Variants in GPR108 observed in about 807,000 individuals in gnomAD.
The protein encoded by GPR108 is G protein-coupled receptor 108, also known as protein GPR108.
Under a neutral mutation model 74.3 loss-of-function variants are expected in GPR108, and 60 were observed. That is an observed-to-expected ratio of 0.81 (90% CI 0.66 to 1.00). The LOEUF (loss-of-function observed/expected upper bound fraction) is 1.00. Ranked by LOEUF, GPR108 falls within the 50% of genes least tolerant of loss-of-function variation. The probability of loss-of-function intolerance (pLI) is 0.00; values close to 1 mark genes in which losing one functional copy is unlikely to be tolerated. For missense variants in GPR108, 667 were observed against 703.3 expected (o/e 0.95, Z 0.58); for synonymous variants, 311 against 292.4 (o/e 1.06, Z -0.65).
chr19:6,732,462 T>A lies in GPR108; in HGVS notation c.1007+14A>T, dbSNP rs1458953747. The A allele has an allele frequency of 6.2e-7, 1 of 1,611,822 alleles. No homozygotes were observed. The highest frequency in any genetic ancestry group is 8.5e-7 in the Non-Finnish European group (1 of 1,178,960). On this transcript the variant is annotated intron_variant, in intron 11 of 17. Transcript: ENST00000264080. Reference sequence around the variant, plus strand: ...GCCTCCCCCCAGCTGCCCAGCAGAGTGGGGGACACTCACAGGTGTGCGATG... The same window carrying A: ...GCCTCCCCCCAGCTGCCCAGCAGAGAGGGGGACACTCACAGGTGTGCGATG...
rs566949653 is a variant in GPR108, at chr19:6,730,145, G to A, written c.*167C>T. 41 of 652,984 alleles carry A rather than the reference G, an allele frequency of 6.3e-5. No individual in the cohort carries two copies. Among genetic ancestry groups the A allele is most frequent in the Non-Finnish European group, 8.3e-5 (30 of 359,950 alleles). 40.4% of individuals were successfully genotyped at this position (652,984 alleles called of 1,614,324 possible). ...CAGGGCTGCCCAATATTTGGGGGGAGGAAGGGACTCTTCTTCCAAATGGGC... is the reference window on the plus strand; with the variant it reads ...CAGGGCTGCCCAATATTTGGGGGGAAGAAGGGACTCTTCTTCCAAATGGGC... On this transcript the variant is annotated 3_prime_UTR_variant, in exon 18 of 18. Transcript: ENST00000264080.
At chr19:6,733,328 G>T (rs781187935) in intron 8 of GPR108, 27 bp from the exon 9 acceptor site, 3 of 1,607,344 alleles carry the variant, frequency 1.9e-6, no homozygotes, top group Non-Finnish European at 2.6e-6. Context: ...GGTGGGCGGC[G>T]GCAGGGGCAC....
At chr19:6,731,387 G>T in intron 15 of GPR108, 86 bp downstream of exon 15, 2 of 1,484,498 alleles carry the variant, frequency 1.3e-6, no homozygotes, top group Non-Finnish European at 9.0e-7. Flanking sequence ...GGGGCCTCGG[G>T]ATGGGGCAGC....
At chr19:6,737,269 C>A in intron 1 of GPR108, 188 bp downstream of exon 1, 1 of 727,764 alleles carries the variant, frequency 1.4e-6, no homozygotes, top group Non-Finnish European at 2.1e-6. Flanking sequence ...GAGGCGGACC[C>A]GGCAACTCCA....
intron 1 of GPR108, chr19:6,737,070 C>G (rs1270843518): frequency 3.3e-5 from 13 of 394,368 alleles, no homozygotes; most frequent in Non-Finnish European, 4.2e-5. Flanking sequence ...CAGAACCCCC[C>G]AAATCCCATT....
At position 6,737,537 on chromosome 19, in the gene GPR108, G is replaced by A. The variant is rs373831903; in HGVS notation, c.40C>T (p.Pro14Ser). The change falls in exon 1 of 18, where the codon CCC (proline) becomes TCC (serine). Residue 14 changes from proline (P) to serine (S), a missense_variant. Coordinates refer to ENST00000264080, the MANE Select transcript of GPR108 (RefSeq NM_001080452.2). ...SERRGLGRGS[P>S]AEWGQRLLLV... ...AGTAGCCGCTGCCCCCACTCCGCGG[G>A]GCTCCCGCGGCCGAGCCCCCTCCTC... The A allele has an allele frequency of 6.4e-7, 1 of 1,552,476 alleles. No homozygotes were observed. Among genetic ancestry groups the A allele is most frequent in the Non-Finnish European group, 8.6e-7 (1 of 1,156,910 alleles).
Position 6,731,529 on chromosome 19 carries a change from G to A in GPR108, c.1301-7C>T, listed in dbSNP as rs201573809. On this transcript the variant is annotated splice_polypyrimidine_tract_variant and splice_region_variant and intron_variant, in intron 14 of 17. Transcript: ENST00000264080. ...TTGGCCAGGTTCACTGCCACTGAGG[G>A]TGGGCACAGAGAGGGCGGTCAGGGG... 6 of 1,515,412 alleles carry A rather than the reference G, an allele frequency of 4.0e-6. No individual in the cohort carries two copies. The highest frequency in any genetic ancestry group is 2.0e-4 in the Middle Eastern group (1 of 5,102). 93.9% of individuals were successfully genotyped at this position (1,515,412 alleles called of 1,614,324 possible).
At chr19:6,737,416 GT>G in intron 1 of GPR108, 40 bp downstream of exon 1, 1 of 1,572,196 alleles carries the variant, frequency 6.4e-7, no homozygotes, top group Non-Finnish European at 8.6e-7. Flanking sequence ...CCGAGACAAA[GT>G]TGCGCCACCG....
Position 6,731,137 on chromosome 19 carries a change from G to A in GPR108, c.1435-26C>T, listed in dbSNP as rs368063447. 653 of 1,611,732 alleles carry A rather than the reference G, an allele frequency of 4.1e-4. 8 individuals carry two copies. The East Asian group carries it at 0.011, about 27-fold the overall frequency. ...CTGGGGGACGGGGCGGAGTGGGGGC[G>A]TCAGGCGCACCCCCACCCCCACCGT... is the stretch of plus-strand genomic sequence containing the variant. On this transcript the variant is annotated intron_variant, in intron 16 of 17. Transcript: ENST00000264080.
chr19:6,732,545 T>C lies in GPR108; in HGVS notation c.938A>G (p.Asn313Ser), dbSNP rs778647929. 5 of 1,613,228 alleles carry C rather than the reference T, an allele frequency of 3.1e-6. No individual in the cohort carries two copies. The highest frequency in any genetic ancestry group is 3.4e-6 in the Non-Finnish European group (4 of 1,179,782). ...KSISLLFHSI[N>S]YYFINSQGHP... ...GCCCTGGCTGTTGATGAAGTAGTAG[T>C]TGATCTGGGGGTGGATGGACAGACG... The change falls in exon 11 of 18, where the codon AAC (asparagine) becomes AGC (serine). Residue 313 changes from asparagine (N) to serine (S), a missense_variant. Asn to Ser is a conservative substitution (Grantham distance 46). Coordinates refer to ENST00000264080, the MANE Select transcript of GPR108 (RefSeq NM_001080452.2).
At chr19:6,730,852 T>A in intron 17 of GPR108, 135 bp downstream of exon 17, 1 of 1,000,986 alleles carries the variant, frequency 1.0e-6, no homozygotes, top group Non-Finnish European at 1.4e-6. Flanking sequence ...CCATCCCTTC[T>A]CAACAGCAGG....
At chr19:6,731,555 A>G (rs1412020654) in intron 14 of GPR108, 33 bp from the exon 15 acceptor site, 6 of 375,762 alleles carry the variant, frequency 1.6e-5, no homozygotes, top group Non-Finnish European at 2.5e-5. Context: ...CGGTCAGGGG[A>G]GACTGAGGGT....
intron 8 of GPR108, 88 bp downstream of exon 8, chr19:6,733,482 G>A (rs1248085913): frequency 1.4e-6 from 2 of 1,437,646 alleles, no homozygotes; most frequent in African/African-American, 1.4e-5. Context: ...CGGGAGGGCT[G>A]GGAAAAGCTA....
rs780353868 is a variant in GPR108, at chr19:6,732,165, C to T, written c.1126-10G>A. 1.7e-5 allele frequency: 27 copies of T among 1,609,282 alleles called. No individual in the cohort carries two copies. The highest frequency in any genetic ancestry group is 4.4e-5 in the South Asian group (4 of 90,870). On this transcript the variant is annotated splice_polypyrimidine_tract_variant and intron_variant, in intron 12 of 17. Transcript: ENST00000264080. The stretch of plus-strand genomic sequence containing the variant: ...CCACGTTGGCCAGGACCTGCGCAGG[C>T]GGCGGGGGTGGGTGGGCACTGCCTG...
intron 4 of GPR108, chr19:6,735,407 C>T (rs1968592783): frequency 3.7e-6 from 2 of 544,352 alleles, no homozygotes; most frequent in Non-Finnish European, 6.5e-6. Context: ...CTCACAACAA[C>T]CCTCTGTATC....
chr19:6,730,930 G>T, intron 17 of GPR108, 57 bp downstream of exon 17: 3 of 1,261,478 alleles, frequency 2.4e-6, no homozygotes, highest in Non-Finnish European at 3.3e-6. Context: ...CCGTAGAGCT[G>T]CCCACCCCCT....
intron 10 of GPR108, 182 bp from the exon 11 acceptor site, chr19:6,732,731 A>C (rs887779978): frequency 1.2e-5 from 8 of 669,266 alleles, no homozygotes; most frequent in Non-Finnish European, 2.1e-5. Context: ...GGGAACAGTC[A>C]CAGCTGAAGG....
Position 6,734,283 on chromosome 19 carries a change from C to T in GPR108, c.399G>A (p.Glu133=), listed in dbSNP as rs1157603959. 6.2e-7 allele frequency: 1 copy of T among 1,613,944 alleles called. No individual in the cohort carries two copies. Among genetic ancestry groups the T allele is most frequent in the East Asian group, 2.2e-5 (1 of 44,864 alleles). Residue 133 remains glutamate (E), a synonymous_variant, in exon 5 of 18, where the codon GAG becomes GAA. Coordinates refer to ENST00000264080, the MANE Select transcript of GPR108 (RefSeq NM_001080452.2). Reference sequence around the variant, plus strand: ...CGGGAAAGATAAACAACGTCTTCTGCTCTCCATACTTCCGCACCTGGACCC... The same window carrying T: ...CGGGAAAGATAAACAACGTCTTCTGTTCTCCATACTTCCGCACCTGGACCC... ...DLQVQVRKYG[E]QKTLFIFPGL... is the part of the protein sequence containing the mutation.
chr19:6,730,216 T>A lies in GPR108; in HGVS notation c.*96A>T. On this transcript the variant is annotated 3_prime_UTR_variant, in exon 18 of 18. Coordinates refer to ENST00000264080, the MANE Select transcript of GPR108 (RefSeq NM_001080452.2). ...CGGGGAGCTGGGCGCCTGGTCCACA[T>A]GGACCCCCTCCACCTCCCCACATAC... 1 of 1,220,626 alleles carries A rather than the reference T, an allele frequency of 8.2e-7. No homozygotes were observed. The highest frequency in any genetic ancestry group is 2.3e-5 in the East Asian group (1 of 42,760). 75.6% of individuals were successfully genotyped at this position (1,220,626 alleles called of 1,614,324 possible). A position where few individuals can be genotyped will look rare whatever the true frequency, so the allele number is the denominator to read the frequency against.
Sources: gnomAD v4.1 joint callset for allele counts on GRCh38, gnomAD v4.1.1 for gene constraint, MANE v1.5 for transcripts, NCBI Gene and HGNC (gene_info 2026-07-23, HGNC 2026-07-21) for gene names.